Variants in TOMM70 observed in about 807,000 individuals in gnomAD.
The protein encoded by TOMM70 is mitochondrial import receptor subunit TOM70.
A neutral mutation model predicts 73.6 loss-of-function variants in TOMM70; 13 were observed. That is an observed-to-expected ratio of 0.18 (90% CI 0.11 to 0.28). The LOEUF is 0.28. TOMM70 is among the 10% of genes least tolerant of loss of function. TOMM70 has a pLI of 1.00. For synonymous variants in TOMM70, 257 were observed against 271.2 expected (o/e 0.95, Z 0.51); for missense variants, 609 against 747.5 (o/e 0.81, Z 2.16).
At position 100,400,856 on chromosome 3, in the gene TOMM70, C is replaced by A. The variant is rs1265419394; in HGVS notation, c.94G>T (p.Gly32Cys). The change falls in exon 1 of 12, where the codon GGC (glycine) becomes TGC (cysteine). Residue 32 changes from glycine to cysteine, a missense_variant. By Grantham distance (159) the Gly-to-Cys change is radical. This residue lies in a region of TOMM70 where 177 missense variants were observed against 163.5 expected (regional missense o/e 1.08). Coordinates refer to ENST00000284320, the MANE Select transcript of TOMM70 (RefSeq NM_014820.5). Reference protein sequence around the residue: ...GVGGGGTAGPGTGGLPRWQLA... With the variant: ...GVGGGGTAGPCTGGLPRWQLA... ...TGCCATCGCGGCAGCCCCCCCGTGC[C>A]CGGGCCCGCAGTCCCGCCGCCGCCC... The A allele has an allele frequency of 2.0e-6, 3 of 1,525,374 alleles. No homozygotes were observed. The highest frequency in any genetic ancestry group is 2.6e-6 in the Non-Finnish European group (3 of 1,143,354). 94.5% of individuals were successfully genotyped at this position (1,525,374 alleles called of 1,614,324 possible). A position where few individuals can be genotyped will look rare whatever the true frequency, so the allele number is the denominator to read the frequency against.
At chr3:100,378,057 C>CA in intron 5 of TOMM70, 145 bp from the exon 6 acceptor site, 3 of 617,844 alleles carry the variant, frequency 4.9e-6, no homozygotes, top group Non-Finnish European at 8.3e-6. Flanking sequence ...CCAGCCTGGC[C>CA]AACATGGTGA....
intron 1 of TOMM70, among the ~76,000 whole-genome samples, chr3:100,387,572 C>T (rs963073266): frequency 6.9e-6 from 1 of 145,678 alleles, no homozygotes; most frequent in Admixed American, 7.1e-5. Flanking sequence ...CCACCACGTC[C>T]AGCTAAAAGA....
In TOMM70 at chr3:100,401,004, A is replaced by C; in HGVS notation, c.-55T>G. On this transcript the variant is annotated 5_prime_UTR_variant, in exon 1 of 12. Coordinates refer to ENST00000284320, the MANE Select transcript of TOMM70 (RefSeq NM_014820.5). ...TCTGTCGCGAGCGCCACAATCACCAAACAGCGTGCGAAGGAAGACCGAGGG... is the reference window on the plus strand; with the variant it reads ...TCTGTCGCGAGCGCCACAATCACCACACAGCGTGCGAAGGAAGACCGAGGG... 5.4e-6 allele frequency: 8 copies of C among 1,486,702 alleles called. No homozygotes were observed. The highest frequency in any genetic ancestry group is 7.2e-6 in the Non-Finnish European group (8 of 1,107,912). The allele number at this position is 1,486,702 out of a possible 1,614,324, so 92.1% of individuals were successfully genotyped here.
intron 3 of TOMM70, 81 bp from the exon 4 acceptor site, chr3:100,384,669 T>A: frequency 1.0e-6 from 1 of 958,660 alleles, no homozygotes; most frequent in Non-Finnish European, 1.5e-6. Flanking sequence ...ACAATGTAAC[T>A]ACAGAAAGCC....
chr3:100,387,022 C>A, intron 1 of TOMM70, 44 bp from the exon 2 acceptor site: 3 of 1,582,370 alleles, frequency 1.9e-6, no homozygotes, highest in Non-Finnish European at 2.6e-6. Flanking sequence ...TCAACATTCA[C>A]AGACTCAGAC....
At chr3:100,382,269 A>G (rs1458265299) in intron 4 of TOMM70, among the ~76,000 whole-genome samples, 1 of 152,258 alleles carries the variant, frequency 6.6e-6, no homozygotes, top group Non-Finnish European at 1.5e-5. Flanking sequence ...CTTTATCTAT[A>G]AAATTCAGCC....
rs368421904 is a variant in TOMM70 at position 100,387,331 on chromosome 3, C to T, written c.325-353G>A. On this transcript the variant is annotated intron_variant, in intron 1 of 11. Coordinates refer to ENST00000284320, the MANE Select transcript of TOMM70 (RefSeq NM_014820.5). ...GTATGGTGGCACACGCCTGCAGTCCCGACTACCCGGGTGGCTGAGGCATGA... is the reference window on the plus strand; with the variant it reads ...GTATGGTGGCACACGCCTGCAGTCCTGACTACCCGGGTGGCTGAGGCATGA... Among the ~76,000 whole-genome samples, 9 of 152,152 alleles carry T rather than the reference C, an allele frequency of 5.9e-5. No homozygotes were observed. The South Asian group carries it at 6.2e-4, about 11-fold the overall frequency.
In TOMM70 at chr3:100,400,606, G is replaced by A. The variant is rs369694480; in HGVS notation, c.324+20C>T. On this transcript the variant is annotated intron_variant, in intron 1 of 11. Transcript: ENST00000284320. The stretch of plus-strand genomic sequence containing the variant: ...TGCACGAGCCAGTTTCCTCCTCTAC[G>A]GCCTGGGGCTGCTTCTCACCATGTC... The A allele has an allele frequency of 8.3e-5, 133 of 1,606,510 alleles. No individual in the cohort carries two copies. The African/African-American group carries it at 1.5e-3, about 18-fold the overall frequency.
At chr3:100,389,303 CA>C (rs1404055286) in intron 1 of TOMM70, among the ~76,000 whole-genome samples, 1 of 152,160 alleles carries the variant, frequency 6.6e-6, no homozygotes, top group East Asian at 1.9e-4. Flanking sequence ...TAGAAATGTA[CA>C]GCTTCCTTAC....
At chr3:100,386,421 TTGAG>T in intron 2 of TOMM70, 77 bp from the exon 3 acceptor site, 1 of 1,412,308 alleles carries the variant, frequency 7.1e-7, no homozygotes, top group Non-Finnish European at 9.4e-7. Flanking sequence ...ACTTGATAGG[TTGAG>T]TATTAAAAGT....
Position 100,400,702 on chromosome 3 carries a change from C to T in TOMM70, c.248G>A (p.Arg83Gln). The T allele has an allele frequency of 6.2e-7, 1 of 1,611,394 alleles. No homozygotes were observed. The highest frequency in any genetic ancestry group is 8.5e-7 in the Non-Finnish European group (1 of 1,179,612). The change falls in exon 1 of 12, where the codon CGG (arginine) becomes CAG (glutamine). Residue 83 changes from arginine (R) to glutamine (Q), a missense_variant. Transcript: ENST00000284320. Reference protein sequence around the residue: ...DASGLKRNSERKTPEGRASPA... With the variant: ...DASGLKRNSEQKTPEGRASPA... Reference sequence around the variant, plus strand: ...ACTGGCCCTGCCCTCCGGGGTCTTCCGTTCGCTGTTGCGCTTCAGGCCGCT... The same window carrying T: ...ACTGGCCCTGCCCTCCGGGGTCTTCTGTTCGCTGTTGCGCTTCAGGCCGCT...
chr3:100,371,936 T>TA (rs1706514555), intron 9 of TOMM70: 1 of 152,192 alleles, frequency 6.6e-6, no homozygotes, highest in East Asian at 1.9e-4. Context: ...GTACCCCTGA[T>TA]ATAGAGTATT....
chr3:100,385,630 CCAAT>C (rs770353251), intron 3 of TOMM70, among the ~76,000 whole-genome samples: 24 of 152,222 alleles, frequency 1.6e-4, no homozygotes, highest in Admixed American at 1.4e-3. Flanking sequence ...AGAGAAATGG[CCAAT>C]CAGAGACCAC....
At chr3:100,382,330 T>C (rs1265876757) in intron 4 of TOMM70, among the ~76,000 whole-genome samples, 2 of 152,200 alleles carry the variant, frequency 1.3e-5, no homozygotes, top group African/African-American at 4.8e-5. Context: ...ATAACAAATA[T>C]CATTACTGTT....
intron 4 of TOMM70, among the ~76,000 whole-genome samples, chr3:100,382,173 G>A (rs1424175855): frequency 6.6e-6 from 1 of 152,026 alleles, no homozygotes; most frequent in African/African-American, 2.4e-5. Flanking sequence ...TGTTCCTCCC[G>A]AAACACAATT....
At chr3:100,380,707 C>A (rs550368631) in intron 5 of TOMM70, among the ~76,000 whole-genome samples, 5 of 152,146 alleles carry the variant, frequency 3.3e-5, no homozygotes, top group African/African-American at 1.2e-4. Context: ...AGAGCTAATA[C>A]GACATCTTAA....
intron 11 of TOMM70, 92 bp from the exon 12 acceptor site, chr3:100,365,809 C>T: frequency 7.0e-7 from 1 of 1,418,696 alleles, no homozygotes; most frequent in Non-Finnish European, 9.7e-7. Context: ...AGTCTGACCA[C>T]TAAGTTTCTT....
At chr3:100,366,576 TAAA>T (rs1242694599) in intron 11 of TOMM70, among the ~76,000 whole-genome samples, 1 of 152,130 alleles carries the variant, frequency 6.6e-6, no homozygotes, top group Non-Finnish European at 1.5e-5. Flanking sequence ...GGCTTATTTT[TAAA>T]AAAAACTTTT....
chr3:100,371,087 C>T (rs947098862), intron 9 of TOMM70, among the ~76,000 whole-genome samples: 1 of 152,222 alleles, frequency 6.6e-6, no homozygotes, highest in Non-Finnish European at 1.5e-5. Context: ...AGACCTACCT[C>T]TAAAGAACAG....
Sources: gnomAD v4.1 joint callset for allele counts (sites outside exome capture counted in the v4.1 genomes callset) on GRCh38, gnomAD v4.1.1 for gene constraint, gnomAD v4.1.1 regional missense constraint, MANE v1.5 for transcripts, NCBI Gene and HGNC (gene_info 2026-07-23, HGNC 2026-07-21) for gene names.